The following NIBAN2 variants were observed in gnomAD, a reference collection of about 807,000 sequenced individuals.
NIBAN2 encodes the protein niban apoptosis regulator 2.
A neutral mutation model predicts 81.8 loss-of-function variants in NIBAN2; 36 were observed. That is an observed-to-expected ratio of 0.44 (90% CI 0.34 to 0.58). The LOEUF (loss-of-function observed/expected upper bound fraction) is 0.58. NIBAN2 is among the 20% of genes least tolerant of loss of function. The pLI is 0.02. For synonymous variants in NIBAN2, 445 were observed against 441.6 expected (o/e 1.01, Z -0.10); for missense variants, 897 against 1,014.1 (o/e 0.88, Z 1.57).
At chr9:127,527,931 G>C (rs1448423716) in intron 2 of NIBAN2, among the ~76,000 whole-genome samples, 1 of 152,126 alleles carries the variant, frequency 6.6e-6, no homozygotes, top group South Asian at 2.1e-4. Flanking sequence ...TCTGTCTGGG[G>C]GTGTTTGATG....
chr9:127,557,378 G>A (rs1294504625), intron 1 of NIBAN2, among the ~76,000 whole-genome samples: 1 of 152,110 alleles, frequency 6.6e-6, no homozygotes, highest in Non-Finnish European at 1.5e-5. Flanking sequence ...TGGAGGAGAG[G>A]CAGGAGTTCA....
chr9:127,565,944 T>TCACACA (rs1220466008), intron 1 of NIBAN2, among the ~76,000 whole-genome samples: 344 of 110,362 alleles, frequency 3.1e-3, no homozygotes, highest in Non-Finnish European at 3.7e-3. Context: ...TCTCTCTCTC[T>TCACACA]CTCACACACA....
intron 1 of NIBAN2, among the ~76,000 whole-genome samples, chr9:127,577,264 C>T (rs982484847): frequency 2.0e-5 from 3 of 152,026 alleles, no homozygotes; most frequent in African/African-American, 7.2e-5. Context: ...GCCGAGATTG[C>T]GCCACTGTAC....
intron 3 of NIBAN2, 45 bp from the exon 4 acceptor site, chr9:127,525,208 C>G: frequency 6.7e-7 from 1 of 1,492,426 alleles, no homozygotes; most frequent in South Asian, 1.1e-5. Context: ...AAGGTGCGGC[C>G]AAGCCCAAAT....
At chr9:127,558,829 C>T (rs1205054632) in intron 1 of NIBAN2, among the ~76,000 whole-genome samples, 1 of 152,212 alleles carries the variant, frequency 6.6e-6, no homozygotes, top group Admixed American at 6.5e-5. Flanking sequence ...CACACAGCTT[C>T]CCTAAGAATT....
intron 1 of NIBAN2, among the ~76,000 whole-genome samples, chr9:127,537,632 C>T (rs1837303464): frequency 6.6e-6 from 1 of 152,172 alleles, no homozygotes; most frequent in Non-Finnish European, 1.5e-5. Context: ...CGCCCAGAGC[C>T]GTTGGTTGCC....
chr9:127,577,603 A>C (rs1838024907), intron 1 of NIBAN2, among the ~76,000 whole-genome samples: 1 of 142,124 alleles, frequency 7.0e-6, no homozygotes, highest in Non-Finnish European at 1.5e-5. Flanking sequence ...CACGCTTCCC[A>C]CACCATCCTC....
At chr9:127,519,900 G>A (rs186537375) in intron 5 of NIBAN2, among the ~76,000 whole-genome samples, 23 of 152,344 alleles carry the variant, frequency 1.5e-4, no homozygotes, top group Admixed American at 1.2e-3. Context: ...TGGACAGTGC[G>A]TTACCTGCAG....
intron 1 of NIBAN2, among the ~76,000 whole-genome samples, chr9:127,539,516 C>T (rs1837339600): frequency 6.6e-6 from 1 of 152,290 alleles, no homozygotes; most frequent in African/African-American, 2.4e-5. Flanking sequence ...TGGCCCCTGT[C>T]GGGTCGGAGC....
chr9:127,557,456 A>T (rs1286527286), intron 1 of NIBAN2, among the ~76,000 whole-genome samples: 1 of 145,524 alleles, frequency 6.9e-6, no homozygotes, highest in African/African-American at 2.5e-5. Context: ...CAGAAGCCAC[A>T]CAGGGGACTG....
At chr9:127,551,739 A>C (rs2132222404) in intron 1 of NIBAN2, among the ~76,000 whole-genome samples, 1 of 152,080 alleles carries the variant, frequency 6.6e-6, no homozygotes, top group South Asian at 2.1e-4. Context: ...AGAAAGAAAG[A>C]AAAAGAAAAG....
intron 1 of NIBAN2, among the ~76,000 whole-genome samples, chr9:127,577,301 G>A (rs1838021900): frequency 6.6e-6 from 1 of 151,954 alleles, no homozygotes; most frequent in Admixed American, 6.6e-5. Flanking sequence ...GAGCGAGACT[G>A]TGTCCACCCT....
intron 1 of NIBAN2, among the ~76,000 whole-genome samples, chr9:127,542,001 C>G (rs1378683377): frequency 6.6e-6 from 1 of 152,130 alleles, no homozygotes; most frequent in Non-Finnish European, 1.5e-5. Flanking sequence ...TGCCCCCCAG[C>G]CAGGCCACTC....
rs1564293791 is a variant in NIBAN2, at chr9:127,509,136, AGGGGCC to A, written c.1162-11_1162-6del. 1 of 1,608,700 alleles carries A rather than the reference AGGGGCC, an allele frequency of 6.2e-7. No individual in the cohort carries two copies. ...CCGGGACAGCTTCTCCATGTACTGC[AGGGGCC>A]GGGGCCGCGGGGGCTGAGCAGGGCC... On this transcript the variant is annotated splice_region_variant and splice_polypyrimidine_tract_variant and intron_variant, in intron 9 of 13. Transcript: ENST00000373312.
At chr9:127,571,352 C>T (rs1837943803), upstream of NIBAN2, among the ~76,000 whole-genome samples, 1 of 152,120 alleles carries the variant, frequency 6.6e-6, no homozygotes, top group Non-Finnish European at 1.5e-5. Context: ...TCACATGTCA[C>T]CTAATCCATC....
At chr9:127,519,196 A>T (rs1029011592) in intron 5 of NIBAN2, among the ~76,000 whole-genome samples, 2 of 151,354 alleles carry the variant, frequency 1.3e-5, no homozygotes, top group African/African-American at 4.9e-5. Flanking sequence ...AAAAAAAAAA[A>T]AAAAGAATGG....
chr9:127,519,744 C>T (rs994329419), intron 5 of NIBAN2, among the ~76,000 whole-genome samples: 2 of 152,240 alleles, frequency 1.3e-5, no homozygotes, highest in African/African-American at 4.8e-5. Context: ...GTGACAGGAG[C>T]AGGGCAGGGA....
At chr9:127,552,683 C>CAT (rs1837597638) in intron 1 of NIBAN2, among the ~76,000 whole-genome samples, 1 of 112,910 alleles carries the variant, frequency 8.9e-6, no homozygotes, top group African/African-American at 3.4e-5. Flanking sequence ...ATGGAATATT[C>CAT]GTTTTTTTTT....
intron 5 of NIBAN2, among the ~76,000 whole-genome samples, chr9:127,523,169 TAAAAAAAA>T (rs1159040869): frequency 1.8e-4 from 2 of 11,326 alleles, no homozygotes; most frequent in African/African-American, 1.2e-3. Flanking sequence ...TTGGTGGTTT[TAAAAAAAA>T]AAAAAAAAAA....
Sources: allele counts gnomAD v4.1 joint callset (sites outside exome capture counted in the v4.1 genomes callset), GRCh38; gene constraint gnomAD v4.1.1; transcripts MANE v1.5; gene names NCBI Gene and HGNC (gene_info 2026-07-23, HGNC 2026-07-21).